Variants in USP54 observed in about 807,000 individuals in gnomAD.
The protein encoded by USP54 is ubiquitin carboxyl-terminal hydrolase 54.
Under a neutral mutation model 170.5 loss-of-function variants are expected in USP54, and 87 were observed. The observed-to-expected ratio is 0.51, with a 90% CI of 0.43 to 0.61. The LOEUF is 0.61. Among genes scored for constraint, USP54 ranks in the 20% least tolerant of loss-of-function variants. The pLI is 0.00. For synonymous variants in USP54, 655 were observed against 742.8 expected, an observed-to-expected ratio of 0.88 and a Z score of 1.92; for missense variants, 1,786 against 2,047.8, an observed-to-expected ratio of 0.87 and a Z score of 2.47.
intron 1 of USP54, among the ~76,000 whole-genome samples, chr10:73,621,683 A>G (rs1404084647): frequency 6.6e-6 from 1 of 152,046 alleles, no homozygotes; most frequent in African/African-American, 2.4e-5. Flanking sequence ...TTTCCCCTAT[A>G]TATGAATACA....
intron 1 of USP54, among the ~76,000 whole-genome samples, chr10:73,582,870 G>A (rs1019782872): frequency 6.6e-6 from 1 of 152,134 alleles, no homozygotes; most frequent in African/African-American, 2.4e-5. Flanking sequence ...AAATATAGTA[G>A]TTTCACAATG....
intron 1 of USP54, among the ~76,000 whole-genome samples, chr10:73,622,062 C>A (rs1021869960): frequency 4.6e-5 from 7 of 152,166 alleles, no homozygotes; most frequent in Admixed American, 3.3e-4. Context: ...AGAAAGAAAT[C>A]TTTCTTAGTA....
chr10:73,617,349 G>A (rs1327723166), intron 1 of USP54, among the ~76,000 whole-genome samples: 4 of 138,786 alleles, frequency 2.9e-5, no homozygotes, highest in African/African-American at 1.1e-4. Flanking sequence ...CCAGTTACGT[G>A]GGAGGCTGAG....
At chr10:73,559,019 T>C (rs2072030534) in intron 4 of USP54, among the ~76,000 whole-genome samples, 1 of 152,122 alleles carries the variant, frequency 6.6e-6, no homozygotes, top group Non-Finnish European at 1.5e-5. Flanking sequence ...TTGAAAAAAA[T>C]ACATATAAAT....
chr10:73,569,573 G>A (rs2074593396), intron 4 of USP54, among the ~76,000 whole-genome samples: 3 of 151,902 alleles, frequency 2.0e-5, no homozygotes, highest in African/African-American at 7.3e-5. Flanking sequence ...TGAAGTCAGT[G>A]AGACCCTGTC....
At chr10:73,518,594 T>C (rs1012584931) in intron 19 of USP54, 4 of 152,126 alleles carry the variant, frequency 2.6e-5, no homozygotes, top group African/African-American at 4.8e-5. Context: ...TTTGAGGATA[T>C]AGTCACCCAG....
At chr10:73,608,986 G>A (rs1282515087) in intron 1 of USP54, among the ~76,000 whole-genome samples, 1 of 152,208 alleles carries the variant, frequency 6.6e-6, no homozygotes, top group Non-Finnish European at 1.5e-5. Flanking sequence ...CCAAAACACT[G>A]AGGTGTCTAA....
chr10:73,598,420 G>A (rs1485662930), intron 1 of USP54, among the ~76,000 whole-genome samples: 1 of 152,032 alleles, frequency 6.6e-6, no homozygotes, highest in Admixed American at 6.6e-5. Context: ...CATGACCCTG[G>A]GTTAGGCAAA....
intron 1 of USP54, among the ~76,000 whole-genome samples, chr10:73,588,170 A>G (rs2077746265): frequency 6.6e-6 from 1 of 152,182 alleles, no homozygotes; most frequent in African/African-American, 2.4e-5. Flanking sequence ...AATGGGGAAA[A>G]GTGTATCCTT....
chr10:73,538,524 A>G (rs2065802943), intron 10 of USP54: 1 of 152,224 alleles, frequency 6.6e-6, no homozygotes, highest in East Asian at 1.9e-4. Flanking sequence ...AGTTTAAAAA[A>G]ACACTTTGGG....
Position 73,498,775 on chromosome 10 carries a change from G to A in USP54, c.4909C>T (p.Pro1637Ser). ...CTTTGCCTCCAGTCATCATCTGGGG[G>A]CATATCTACTCTTCGAGGACCAGGG... is the stretch of plus-strand genomic sequence containing the variant. ...RTPGPRRVDM[P>S]PDDDWRQSSY... The change falls in exon 24 of 24, where the codon CCC (proline) becomes TCC (serine). Residue 1637 changes from proline (P) to serine (S), a missense_variant. Transcript: ENST00000687698. The A allele has an allele frequency of 6.2e-7, 1 of 1,613,788 alleles. No homozygotes were observed. Among genetic ancestry groups the A allele is most frequent in the Non-Finnish European group, 8.5e-7 (1 of 1,179,860 alleles).
chr10:73,549,985 G>A lies in USP54; in HGVS notation c.241-4313C>T, dbSNP rs543098644. Reference sequence around the variant, plus strand: ...GTCACCCATGCTGGAGTGCAATGGTGTGATCTCGGCTCACTGTAACCTCCA... The same window carrying A: ...GTCACCCATGCTGGAGTGCAATGGTATGATCTCGGCTCACTGTAACCTCCA... On this transcript the variant is annotated intron_variant, in intron 4 of 23. Coordinates refer to ENST00000687698, the MANE Select transcript of USP54 (RefSeq NM_001391956.1). Among the ~76,000 whole-genome samples the A allele has an allele frequency of 7.2e-5, 11 of 152,262 alleles. No homozygotes were observed. The South Asian group carries it at 1.9e-3, about 26-fold the overall frequency.
chr10:73,569,454 A>T (rs1407770427), intron 4 of USP54, among the ~76,000 whole-genome samples: 1 of 152,106 alleles, frequency 6.6e-6, no homozygotes, highest in Non-Finnish European at 1.5e-5. Context: ...TCCCCAATAA[A>T]CCAATAATTT....
chr10:73,611,000 T>G (rs1429358375), intron 1 of USP54, among the ~76,000 whole-genome samples: 2 of 152,304 alleles, frequency 1.3e-5, no homozygotes, highest in East Asian at 3.9e-4. Flanking sequence ...TAAAAGTCAC[T>G]TATCTATAGA....
chr10:73,517,739 G>A lies in USP54; in HGVS notation c.2687C>T (p.Pro896Leu). The part of the protein sequence containing the change: ...GTLSQPTSEQ[P>L]IPLQVLLSQE... ...GCTTAACAATACTTGGAGCGGGATA[G>A]GCTGTTCACTGAAACAAATGGAGAG... Residue 896 changes from proline to leucine, a missense_variant, in exon 20 of 24, where the codon CCT becomes CTT. This residue lies in a region of USP54 where 1,418 missense variants were observed against 1,569.0 expected (regional missense o/e 0.90). Coordinates refer to ENST00000687698, the MANE Select transcript of USP54 (RefSeq NM_001391956.1). 1 of 1,610,196 alleles carries A rather than the reference G, an allele frequency of 6.2e-7. No individual in the cohort carries two copies. Among genetic ancestry groups the A allele is most frequent in the Non-Finnish European group, 8.5e-7 (1 of 1,177,834 alleles).
At chr10:73,572,569 C>A (rs1177114418) in intron 3 of USP54, among the ~76,000 whole-genome samples, 1 of 152,160 alleles carries the variant, frequency 6.6e-6, no homozygotes, top group Non-Finnish European at 1.5e-5. Context: ...TTCTTTGAAA[C>A]TGGCTATGCT....
chr10:73,576,694 C>A (rs1027691137), intron 1 of USP54, among the ~76,000 whole-genome samples: 3 of 152,150 alleles, frequency 2.0e-5, no homozygotes, highest in Non-Finnish European at 4.4e-5. Flanking sequence ...CAAGTAAGCA[C>A]ACACAAACTA....
At chr10:73,587,351 T>C (rs895823692) in intron 1 of USP54, among the ~76,000 whole-genome samples, 6 of 152,096 alleles carry the variant, frequency 3.9e-5, no homozygotes, top group African/African-American at 1.2e-4. Context: ...GGCGAGCACC[T>C]GTGGTCCCAG....
Position 73,498,873 on chromosome 10 carries a change from T to A in USP54, c.4811A>T (p.Tyr1604Phe). 2.0e-6 allele frequency: 2 copies of A among 1,004,264 alleles called. No homozygotes were observed. The highest frequency in any genetic ancestry group is 3.0e-6 in the Non-Finnish European group (2 of 665,232). 62.2% of individuals were successfully genotyped at this position (1,004,264 alleles called of 1,614,324 possible). ...TACATGAAGACTGCTAGATGGTGGG[T>A]ACACAGGATGAACAATGGGAGGGTG... Reference protein sequence around the residue: ...PSHPPIVHPVYPPSSSLHVPL... With the variant: ...PSHPPIVHPVFPPSSSLHVPL... Residue 1604 changes from tyrosine to phenylalanine, a missense_variant, in exon 24 of 24, where the codon TAC becomes TTC. Tyr to Phe is a conservative substitution (Grantham distance 22, BLOSUM62 3). Around this residue, in one of 3 missense-constraint regions of USP54, gnomAD observed 1,418 missense variants for 1,569.0 expected, o/e 0.90. Transcript: ENST00000687698.
Sources: gnomAD v4.1 joint callset for allele counts (sites outside exome capture counted in the v4.1 genomes callset) on GRCh38, gnomAD v4.1.1 for gene constraint, gnomAD v4.1.1 regional missense constraint, MANE v1.5 for transcripts, NCBI Gene and HGNC (gene_info 2026-07-23, HGNC 2026-07-21) for gene names.